The following SLC39A12 variants were observed in gnomAD, a reference collection of about 807,000 sequenced individuals.
SLC39A12 encodes zinc transporter ZIP12.
SLC39A12 carries 63 observed loss-of-function variants against 71.1 expected under a neutral mutation model. That is an observed-to-expected ratio of 0.89 (90% CI 0.72 to 1.09). The LOEUF (loss-of-function observed/expected upper bound fraction) is 1.09. Among genes scored for constraint, SLC39A12 ranks in the 50% least tolerant of loss-of-function variants. The pLI is 0.00. For missense variants in SLC39A12, 892 were observed against 812.6 expected, an observed-to-expected ratio of 1.10 and a Z score of -1.19; for synonymous variants, 351 against 301.3, an observed-to-expected ratio of 1.16 and a Z score of -1.71.
At chr10:17,967,972 C>T (rs1053627778) in intron 4 of SLC39A12, among the ~76,000 whole-genome samples, 1 of 149,814 alleles carries the variant, frequency 6.7e-6, no homozygotes, top group Non-Finnish European at 1.5e-5. Context: ...TATGTTTATA[C>T]CTATGCCTTT....
At chr10:18,012,464 T>C (rs1283780214) in intron 12 of SLC39A12, among the ~76,000 whole-genome samples, 1 of 152,136 alleles carries the variant, frequency 6.6e-6, no homozygotes, top group Non-Finnish European at 1.5e-5. Context: ...TCCACCAAGG[T>C]CCAGTCAGAG....
At chr10:17,980,526 T>C (rs1434840664) in intron 5 of SLC39A12, among the ~76,000 whole-genome samples, 2 of 152,138 alleles carry the variant, frequency 1.3e-5, no homozygotes, top group African/African-American at 4.8e-5. Flanking sequence ...AACTTTTAAA[T>C]TGTAATTTTT....
chr10:17,970,991 T>G (rs1441854779), intron 4 of SLC39A12, among the ~76,000 whole-genome samples: 2 of 152,112 alleles, frequency 1.3e-5, no homozygotes. Flanking sequence ...TACCCCATTT[T>G]TTAGGGTTTT....
intron 3 of SLC39A12, among the ~76,000 whole-genome samples, chr10:17,965,253 G>A (rs1363314676): frequency 6.6e-6 from 1 of 151,866 alleles, no homozygotes. Flanking sequence ...GGATAAATAA[G>A]GACCAGTGAG....
In SLC39A12 at chr10:18,030,259, C is replaced by T. The variant is rs940076681; in HGVS notation, c.1948-12446C>T. Among the ~76,000 whole-genome samples, 6 of 151,336 alleles carry T rather than the reference C, an allele frequency of 4.0e-5. No individual in the cohort carries two copies. The East Asian group carries it at 9.7e-4, about 25-fold the overall frequency. On this transcript the variant is annotated intron_variant, in intron 12 of 12. Coordinates refer to ENST00000377369, the MANE Select transcript of SLC39A12 (RefSeq NM_001145195.2). ...ATATCTATGAGCTTGCAAACTTAGT[C>T]TTTTCTTTCTTTTTTTTTTTTGAGA...
intron 10 of SLC39A12, among the ~76,000 whole-genome samples, chr10:17,996,373 A>G (rs926242096): frequency 5.3e-5 from 8 of 151,984 alleles, no homozygotes; most frequent in African/African-American, 1.9e-4. Flanking sequence ...TTTGGTTTTC[A>G]TCTGTTACTC....
intron 4 of SLC39A12, among the ~76,000 whole-genome samples, chr10:17,966,930 C>T (rs148375913): frequency 0.013 from 2,043 of 151,808 alleles, 40 homozygotes; most frequent in African/African-American, 0.043. Context: ...GTCGAGATTG[C>T]GCCACTGCAC....
intron 7 of SLC39A12, among the ~76,000 whole-genome samples, chr10:17,988,481 A>T (rs1835460685): frequency 6.6e-6 from 1 of 152,146 alleles, no homozygotes. Flanking sequence ...GCAAATGCTG[A>T]CACCATGCTT....
chr10:18,012,739 C>T (rs977532502), intron 12 of SLC39A12, among the ~76,000 whole-genome samples: 1 of 151,908 alleles, frequency 6.6e-6, no homozygotes. Context: ...TGGTGGCGCA[C>T]ACCTGTAGTC....
intron 7 of SLC39A12, among the ~76,000 whole-genome samples, chr10:17,990,695 T>C (rs1332533524): frequency 2.0e-5 from 3 of 152,190 alleles, no homozygotes; most frequent in African/African-American, 7.2e-5. Flanking sequence ...TTATCTGATA[T>C]TTAATAAAAG....
intron 3 of SLC39A12, among the ~76,000 whole-genome samples, chr10:17,962,522 C>T (rs1156539590): frequency 6.6e-6 from 1 of 150,444 alleles, no homozygotes; most frequent in African/African-American, 2.4e-5. Context: ...ATAAAGTTCT[C>T]TGAACATAAG....
At chr10:17,968,196 A>C (rs115486478) in intron 4 of SLC39A12, among the ~76,000 whole-genome samples, 2,056 of 151,888 alleles carry the variant, frequency 0.014, 41 homozygotes, top group African/African-American at 0.043. Flanking sequence ...TATAGTTTTG[A>C]CTATTTATTT....
intron 12 of SLC39A12, among the ~76,000 whole-genome samples, chr10:18,006,308 G>C (rs1056984597): frequency 6.6e-6 from 1 of 152,186 alleles, no homozygotes; most frequent in African/African-American, 2.4e-5. Context: ...CCTTTCTGGG[G>C]AAAAGTGCCA....
chr10:17,989,179 C>T (rs1589233834), intron 7 of SLC39A12, among the ~76,000 whole-genome samples: 1 of 152,298 alleles, frequency 6.6e-6, no homozygotes, highest in Non-Finnish European at 1.5e-5. Flanking sequence ...TGATGGTGGA[C>T]CAATGATCCC....
chr10:18,028,397 G>A (rs1836739016), intron 12 of SLC39A12, among the ~76,000 whole-genome samples: 1 of 152,126 alleles, frequency 6.6e-6, no homozygotes, highest in South Asian at 2.1e-4. Flanking sequence ...TTTGATAATG[G>A]GTCTTTAGTG....
chr10:17,980,163 A>G (rs1835214868), intron 5 of SLC39A12, among the ~76,000 whole-genome samples: 1 of 152,036 alleles, frequency 6.6e-6, no homozygotes, highest in African/African-American at 2.4e-5. Flanking sequence ...CCTTTCTAAT[A>G]CAATTTCCTC....
At chr10:17,996,003 G>A (rs1835673452) in intron 10 of SLC39A12, among the ~76,000 whole-genome samples, 1 of 152,150 alleles carries the variant, frequency 6.6e-6, no homozygotes, top group Non-Finnish European at 1.5e-5. Flanking sequence ...AAACACATGT[G>A]TGTTTATCAT....
chr10:18,015,978 C>A (rs868540228), intron 12 of SLC39A12, among the ~76,000 whole-genome samples: 1 of 152,106 alleles, frequency 6.6e-6, no homozygotes, highest in Non-Finnish European at 1.5e-5. Flanking sequence ...TGCACAACCA[C>A]CCCGCTATTG....
At position 17,981,435 on chromosome 10, in the gene SLC39A12, C is replaced by T; in HGVS notation, c.1048C>T (p.His350Tyr). ...IIQQLLSCSC[H>Y]LPKDQQAKLP... is the part of the protein sequence containing the mutation. The stretch of plus-strand genomic sequence containing the variant: ...CCAGCAGCTCCTCAGCTGCTCCTGC[C>T]ACTTACCCAAGGACCAACAAGCAAA... Residue 350 changes from histidine (H) to tyrosine (Y), a missense_variant, in exon 6 of 13, where the codon CAC becomes TAC. By Grantham distance (83) the His-to-Tyr change is moderately conservative. Transcript: ENST00000377369. 1 of 1,613,926 alleles carries T rather than the reference C, an allele frequency of 6.2e-7. No homozygotes were observed. Among genetic ancestry groups the T allele is most frequent in the Non-Finnish European group, 8.5e-7 (1 of 1,179,900 alleles).
Sources: allele counts gnomAD v4.1 joint callset (sites outside exome capture counted in the v4.1 genomes callset), GRCh38; gene constraint gnomAD v4.1.1; transcripts MANE v1.5; gene names NCBI Gene and HGNC (gene_info 2026-07-23, HGNC 2026-07-21).